The following HOXC13 variants were observed in gnomAD, a reference collection of about 807,000 sequenced individuals.
HOXC13 encodes the protein homeobox C13.
HOXC13 carries 10 observed loss-of-function variants against 25.9 expected under a neutral mutation model. The observed-to-expected ratio is 0.39, with a 90% confidence interval of 0.24 to 0.65. The LOEUF is 0.65. HOXC13 is among the 30% of genes least tolerant of loss of function. The pLI is 0.50. For missense variants in HOXC13, 439 were observed against 478.3 expected (o/e 0.92, Z 0.77); for synonymous variants, 233 against 217.1 (o/e 1.07, Z -0.64).
chr12:53,941,472 A>G (rs375296293), intron 1 of HOXC13, among the ~76,000 whole-genome samples: 16 of 152,334 alleles, frequency 1.1e-4, no homozygotes, highest in Admixed American at 3.9e-4. Flanking sequence ...GAGCTGTTCT[A>G]TGTATGAATG....
chr12:53,944,479 C>T (rs1318431845), intron 1 of HOXC13, among the ~76,000 whole-genome samples: 1 of 152,096 alleles, frequency 6.6e-6, no homozygotes, highest in Non-Finnish European at 1.5e-5. Context: ...GGCAACGGGG[C>T]AGAATATAAA....
chr12:53,945,614 G>A lies in HOXC13; in HGVS notation c.*358G>A. 2.8e-6 allele frequency: 1 copy of A among 362,796 alleles called. No individual in the cohort carries two copies. Among genetic ancestry groups the A allele is most frequent in the Admixed American group, 4.2e-5 (1 of 23,754 alleles). The allele number at this position is 362,796 out of a possible 1,614,324, so 22.5% of individuals were successfully genotyped here. On this transcript the variant is annotated 3_prime_UTR_variant, in exon 2 of 2. Coordinates refer to ENST00000243056, the MANE Select transcript of HOXC13 (RefSeq NM_017410.3). The surrounding 1 kb of genome is among the most constrained non-coding windows in gnomAD (Gnocchi z 4.4). ...AATCATTCCAACCAAAGCAGGGTTG[G>A]GGAATCCCGAATGGCCCCAATTCTT...
chr12:53,942,043 A>G (rs1284721392), intron 1 of HOXC13, among the ~76,000 whole-genome samples: 1 of 150,966 alleles, frequency 6.6e-6, no homozygotes, highest in Non-Finnish European at 1.5e-5. Context: ...GTTCAGCAAG[A>G]TCCAGATAAT....
Position 53,946,428 on chromosome 12 carries a change from A to C in HOXC13, c.*1172A>C. The C allele has an allele frequency of 4.6e-6, 1 of 216,712 alleles. No individual in the cohort carries two copies. 13.4% of individuals were successfully genotyped at this position (216,712 alleles called of 1,614,324 possible). A position where few individuals can be genotyped will look rare whatever the true frequency, so the allele number is the denominator to read the frequency against. ...TGTTCATCAGGAATAGGCTTTTTTA[A>C]AAAATGTTGTGTATCTGTATATAGT... On this transcript the variant is annotated 3_prime_UTR_variant, in exon 2 of 2. Coordinates refer to ENST00000243056, the MANE Select transcript of HOXC13 (RefSeq NM_017410.3).
chr12:53,939,327 C>A lies in HOXC13; in HGVS notation c.421C>A (p.Gln141Lys). 6.3e-7 allele frequency: 1 copy of A among 1,595,238 alleles called. No homozygotes were observed. The highest frequency in any genetic ancestry group is 8.5e-7 in the Non-Finnish European group (1 of 1,172,128). Residue 141 changes from glutamine to lysine, a missense_variant, in exon 1 of 2, where the codon CAG (glutamine) becomes AAG (lysine). Transcript: ENST00000243056. This position sits in a 1 kb window ranked among gnomAD's most constrained non-coding sequence, Gnocchi z 6.7. ...CCGCCTGTCGCACAACGTGAACCTG[C>A]AGCAGAAGCCTTGCGCCTACCACCC... ...GCRLSHNVNL[Q>K]QKPCAYHPGD...
chr12:53,939,030 G>C lies in HOXC13; in HGVS notation c.124G>C (p.Ala42Pro), dbSNP rs759319078. 1 of 1,470,256 alleles carries C rather than the reference G, an allele frequency of 6.8e-7. No individual in the cohort carries two copies. The highest frequency in any genetic ancestry group is 8.9e-7 in the Non-Finnish European group (1 of 1,118,848). The allele number at this position is 1,470,256 out of a possible 1,614,324, so 91.1% of individuals were successfully genotyped here. ...AGGAGGAGGCGGCGGCACGGGCGGA[G>C]CGGGGGGTGGCTGCAGCGGAGCGAG... ...GGGGGGGTGG[A>P]GGGCSGASPG... Residue 42 changes from alanine (A) to proline (P), a missense_variant, in exon 1 of 2, where the codon GCG (alanine) becomes CCG (proline). By Grantham distance (27) the Ala-to-Pro change is conservative. Transcript: ENST00000243056. The surrounding 1 kb of genome is among the most constrained non-coding windows in gnomAD (Gnocchi z 6.7).
rs1406623336 is a variant in HOXC13 at position 53,945,197 on chromosome 12, C to T, written c.934C>T (p.Arg312Trp). ...GGTAACCATCTGGTTCCAGAACCGG[C>T]GGGTCAAAGAGAAGAAGGTGGTCAG... ...RQVTIWFQNR[R>W]VKEKKVVSKS... is the part of the protein sequence containing the mutation. Residue 312 changes from arginine to tryptophan, a missense_variant, in exon 2 of 2, where the codon CGG becomes TGG. Physicochemically the swap from Arg to Trp is moderately radical, Grantham distance 101. Transcript: ENST00000243056. This position sits in a 1 kb window ranked among gnomAD's most constrained non-coding sequence, Gnocchi z 4.4. 3.7e-6 allele frequency: 6 copies of T among 1,614,066 alleles called. No individual in the cohort carries two copies. The highest frequency in any genetic ancestry group is 2.2e-5 in the East Asian group (1 of 44,902).
At position 53,939,354 on chromosome 12, in the gene HOXC13, G is replaced by C; in HGVS notation, c.448G>C (p.Gly150Arg). The change falls in exon 1 of 2, where the codon GGC becomes CGC. Residue 150 changes from glycine (G) to arginine (R), a missense_variant. Physicochemically the swap from Gly to Arg is moderately radical, Grantham distance 125 (BLOSUM62 -2). Coordinates refer to ENST00000243056, the MANE Select transcript of HOXC13 (RefSeq NM_017410.3). The surrounding 1 kb of genome is among the most constrained non-coding windows in gnomAD (Gnocchi z 6.7). ...LQQKPCAYHP[G>R]DKYPEPSGAL... is the part of the protein sequence containing the mutation. ...GCAGAAGCCTTGCGCCTACCACCCGGGCGATAAATACCCGGAGCCGTCGGG... is the reference window on the plus strand; with the variant it reads ...GCAGAAGCCTTGCGCCTACCACCCGCGCGATAAATACCCGGAGCCGTCGGG... The C allele has an allele frequency of 6.2e-7, 1 of 1,605,698 alleles. No homozygotes were observed. The highest frequency in any genetic ancestry group is 8.5e-7 in the Non-Finnish European group (1 of 1,177,334).
Position 53,939,268 on chromosome 12 carries a change from A to G in HOXC13, c.362A>G (p.Tyr121Cys). The change falls in exon 1 of 2, where the codon TAC becomes TGC. Residue 121 changes from tyrosine (Y) to cysteine (C), a missense_variant. Coordinates refer to ENST00000243056, the MANE Select transcript of HOXC13 (RefSeq NM_017410.3). The surrounding 1 kb of genome is among the most constrained non-coding windows in gnomAD (Gnocchi z 6.7). ...ACCTCGTCCAGCGCCACCCTGGGCT[A>G]CGGCTACCCCTTCGGGGGCAGCTAC... ...PPTSSSATLG[Y>C]GYPFGGSYYG... is the part of the protein sequence containing the mutation. 1 of 1,558,796 alleles carries G rather than the reference A, an allele frequency of 6.4e-7. No homozygotes were observed. The highest frequency in any genetic ancestry group is 1.4e-5 in the African/African-American group (1 of 73,510).
Position 53,945,320 on chromosome 12 carries a change from G to C in HOXC13, c.*64G>C. 1 of 1,568,270 alleles carries C rather than the reference G, an allele frequency of 6.4e-7. No homozygotes were observed. The highest frequency in any genetic ancestry group is 2.3e-5 in the East Asian group (1 of 44,392). The stretch of plus-strand genomic sequence containing the variant: ...GCTTTGTACCATAACCGAACCCACG[G>C]AAAGACGCTGCGCGGGTGCAGAAGA... On this transcript the variant is annotated 3_prime_UTR_variant, in exon 2 of 2. Coordinates refer to ENST00000243056, the MANE Select transcript of HOXC13 (RefSeq NM_017410.3). The surrounding 1 kb of genome is among the most constrained non-coding windows in gnomAD (Gnocchi z 4.4).
In HOXC13 at chr12:53,945,215, G is replaced by T. The variant is rs767389187; in HGVS notation, c.952G>T (p.Val318Leu). ...GAACCGGCGGGTCAAAGAGAAGAAGGTGGTCAGCAAATCGAAAGCGCCTCA... is the reference window on the plus strand; with the variant it reads ...GAACCGGCGGGTCAAAGAGAAGAAGTTGGTCAGCAAATCGAAAGCGCCTCA... Reference protein sequence around the residue: ...FQNRRVKEKKVVSKSKAPHLH... With the variant: ...FQNRRVKEKKLVSKSKAPHLH... The change falls in exon 2 of 2, where the codon GTG (valine) becomes TTG (leucine). Residue 318 changes from valine (V) to leucine (L), a missense_variant. Coordinates refer to ENST00000243056, the MANE Select transcript of HOXC13 (RefSeq NM_017410.3). The surrounding 1 kb of genome is among the most constrained non-coding windows in gnomAD (Gnocchi z 4.4). The T allele has an allele frequency of 5.0e-6, 8 of 1,614,142 alleles. No homozygotes were observed. In the South Asian group the frequency reaches 7.7e-5, roughly 16 times the overall value.
In HOXC13 at chr12:53,939,694, C is replaced by T; in HGVS notation, c.736+52C>T. 1 of 1,303,188 alleles carries T rather than the reference C, an allele frequency of 7.7e-7. No individual in the cohort carries two copies. Among genetic ancestry groups the T allele is most frequent in the Non-Finnish European group, 9.8e-7 (1 of 1,024,586 alleles). 80.7% of individuals were successfully genotyped at this position (1,303,188 alleles called of 1,614,324 possible). The stretch of plus-strand genomic sequence containing the variant: ...CCGCCGGGGACCCCTCCCCGCCCTG[C>T]CTGCCCCGGGGCTCCGCGCCCCAAC... On this transcript the variant is annotated intron_variant, in intron 1 of 1. Transcript: ENST00000243056. This position sits in a 1 kb window ranked among gnomAD's most constrained non-coding sequence, Gnocchi z 6.7.
At position 53,943,660 on chromosome 12, in the gene HOXC13, A is replaced by G. The variant is rs554246933; in HGVS notation, c.737-1340A>G. Among the ~76,000 whole-genome samples, 8 of 152,288 alleles carry G rather than the reference A, an allele frequency of 5.3e-5. No homozygotes were observed. In the South Asian group the frequency reaches 1.5e-3, roughly 28 times the overall value. On this transcript the variant is annotated intron_variant, in intron 1 of 1. Transcript: ENST00000243056. Reference sequence around the variant, plus strand: ...GTGACCACTACTCTTCCCATTGTGTATAGAGTCCATGAGAGAAAGCAGACC... The same window carrying G: ...GTGACCACTACTCTTCCCATTGTGTGTAGAGTCCATGAGAGAAAGCAGACC...
At chr12:53,943,015 A>T (rs1938636823) in intron 1 of HOXC13, among the ~76,000 whole-genome samples, 1 of 152,220 alleles carries the variant, frequency 6.6e-6, no homozygotes, top group African/African-American at 2.4e-5. Flanking sequence ...CAGAAACAAA[A>T]ACCCACCTTT....
At chr12:53,940,319 A>G (rs1938589467) in intron 1 of HOXC13, among the ~76,000 whole-genome samples, 1 of 152,180 alleles carries the variant, frequency 6.6e-6, no homozygotes, top group Non-Finnish European at 1.5e-5. Context: ...CCTCTTTGGT[A>G]TATTGAGCTC....
At chr12:53,942,153 A>C (rs1450177791) in intron 1 of HOXC13, among the ~76,000 whole-genome samples, 2 of 47,016 alleles carry the variant, frequency 4.3e-5, no homozygotes, top group South Asian at 8.8e-4. Context: ...GTGAGTGTAG[A>C]CTTTTTTTTT....
Position 53,939,243 on chromosome 12 carries a change from A to C in HOXC13, c.337A>C (p.Thr113Pro), listed in dbSNP as rs1204458654. The change falls in exon 1 of 2, where the codon ACC (threonine) becomes CCC (proline). Residue 113 changes from threonine to proline, a missense_variant. Transcript: ENST00000243056. The surrounding 1 kb of genome is among the most constrained non-coding windows in gnomAD (Gnocchi z 6.7). Reference sequence around the variant, plus strand: ...GTGTGCCCCGCCGCCCGCACCCCCCACCTCGTCCAGCGCCACCCTGGGCTA... The same window carrying C: ...GTGTGCCCCGCCGCCCGCACCCCCCCCCTCGTCCAGCGCCACCCTGGGCTA... ...RQCAPPPAPPTSSSATLGYGY... is the reference protein window; with the variant it reads ...RQCAPPPAPPPSSSATLGYGY... 1.3e-6 allele frequency: 2 copies of C among 1,540,896 alleles called. No individual in the cohort carries two copies. The highest frequency in any genetic ancestry group is 8.7e-7 in the Non-Finnish European group (1 of 1,145,174).
At position 53,945,014 on chromosome 12, in the gene HOXC13, C is replaced by A. The variant is rs569370103; in HGVS notation, c.751C>A (p.Gln251Lys). The A allele has an allele frequency of 6.2e-7, 1 of 1,613,820 alleles. No individual in the cohort carries two copies. Among genetic ancestry groups the A allele is most frequent in the African/African-American group, 1.3e-5 (1 of 75,020 alleles). The change falls in exon 2 of 2, where the codon CAG becomes AAG. Residue 251 changes from glutamine (Q) to lysine (K), a missense_variant. By Grantham distance (53) the Gln-to-Lys change is moderately conservative (BLOSUM62 1). Coordinates refer to ENST00000243056, the MANE Select transcript of HOXC13 (RefSeq NM_017410.3). The surrounding 1 kb of genome is among the most constrained non-coding windows in gnomAD (Gnocchi z 4.4). ...KSPFPDVVPL[Q>K]PEVSSYRRGR... ...TCTCCCCGCAGACGTGGTTCCCCTG[C>A]AGCCCGAGGTGAGCAGCTACCGGCG...
rs111733681 is a variant in HOXC13, at chr12:53,943,181, T to C, written c.737-1819T>C. 7.0e-3 allele frequency among the ~76,000 whole-genome samples: 1,070 copies of C among 152,376 alleles called. 9 individuals carry two copies. The highest frequency in any genetic ancestry group is 0.025 in the African/African-American group (1,029 of 41,592). ...GCCACTTAAGTTATTTTACCCACTCTGAGCCTCAGATTCCTAATCTTGTAA... is the reference window on the plus strand; with the variant it reads ...GCCACTTAAGTTATTTTACCCACTCCGAGCCTCAGATTCCTAATCTTGTAA... On this transcript the variant is annotated intron_variant, in intron 1 of 1. Coordinates refer to ENST00000243056, the MANE Select transcript of HOXC13 (RefSeq NM_017410.3).
Sources: gnomAD v4.1 joint callset for allele counts (sites outside exome capture counted in the v4.1 genomes callset) on GRCh38, gnomAD v4.1.1 for gene constraint, Gnocchi (gnomAD v3.1) non-coding constraint, MANE v1.5 for transcripts, NCBI Gene and HGNC (gene_info 2026-07-23, HGNC 2026-07-21) for gene names.